TTC3: variants seen among roughly 807,000 people sequenced by gnomAD.
TTC3 encodes the protein tetratricopeptide repeat domain 3.
TTC3 carries 180 observed loss-of-function variants against 249.6 expected under a neutral mutation model. The observed-to-expected ratio is 0.72, with a 90% CI of 0.64 to 0.82. The LOEUF (loss-of-function observed/expected upper bound fraction) is 0.82. Ranked by LOEUF, TTC3 falls within the 40% of genes least tolerant of loss-of-function variation. TTC3 has a pLI of 0.00. For missense variants in TTC3, 2,061 were observed against 2,398.4 expected, an observed-to-expected ratio of 0.86 and a Z score of 2.94; for synonymous variants, 717 against 805.0, an observed-to-expected ratio of 0.89 and a Z score of 1.85.
exon 39 of TTC3, chr21:37,188,570 C>G: frequency 6.2e-7 from 1 of 1,613,974 alleles, no homozygotes; most frequent in Non-Finnish European, 8.5e-7. Context: ...AGAAGCCTTT[C>G]TGAAGAAGCT....
At position 37,078,133 on chromosome 21, in the gene TTC3, C is replaced by A. The variant is rs190614373; in HGVS notation, c.-12+4769C>A. ...TCACCAGTGGTCTGCTGTGCCATCT[C>A]TTTTACATGTTTAGTTACTACCTGC... On this transcript the variant is annotated intron_variant, in intron 1 of 45. Coordinates refer to ENST00000355666, the Ensembl canonical transcript of TTC3. Among the ~76,000 whole-genome samples the A allele has an allele frequency of 1.9e-3, 295 of 152,184 alleles. 1 individual carries two copies. Among genetic ancestry groups the A allele is most frequent in the Non-Finnish European group, 3.0e-3 (207 of 68,014 alleles).
At chr21:37,179,107 C>A (rs1569154456) in intron 35 of TTC3, among the ~76,000 whole-genome samples, 1 of 151,962 alleles carries the variant, frequency 6.6e-6, no homozygotes, top group Non-Finnish European at 1.5e-5. Flanking sequence ...CCCTCACTCG[C>A]TACAAAAAAA....
intron 17 of TTC3, among the ~76,000 whole-genome samples, 173 bp downstream of exon 17, chr21:37,132,939 T>G (rs887309017): frequency 5.9e-5 from 9 of 152,200 alleles, no homozygotes; most frequent in Admixed American, 5.2e-4. Context: ...GGTTTCAAAC[T>G]CCTGGCCTCA....
At chr21:37,149,545 C>G (rs2079270316) in intron 23 of TTC3, among the ~76,000 whole-genome samples, 1 of 152,166 alleles carries the variant, frequency 6.6e-6, no homozygotes, top group South Asian at 2.1e-4. Context: ...TAAATACACT[C>G]TGTAAATTAG....
intron 41 of TTC3, among the ~76,000 whole-genome samples, chr21:37,193,409 C>T (rs1222057347): frequency 6.6e-6 from 1 of 151,254 alleles, no homozygotes; most frequent in East Asian, 1.9e-4. Context: ...CCACCCTGAA[C>T]TGAGTAAAAT....
chr21:37,159,104 A>C (rs1793879), intron 28 of TTC3, among the ~76,000 whole-genome samples: 152,338 of 152,340 alleles, frequency 1, 76,168 homozygotes, highest in Middle Eastern at 1. Flanking sequence ...ATCATCCTCT[A>C]TCTCTGAGCA....
At chr21:37,176,025 C>T (rs2082255414) in intron 35 of TTC3, among the ~76,000 whole-genome samples, 1 of 152,166 alleles carries the variant, frequency 6.6e-6, no homozygotes, top group East Asian at 1.9e-4. Context: ...CCCACCTCGG[C>T]TTCCCAAAGT....
At chr21:37,126,102 T>C (rs761076630) in exon 15 of TTC3, 2 of 1,610,872 alleles carry the variant, frequency 1.2e-6, no homozygotes, top group Non-Finnish European at 1.7e-6. Context: ...GCGTTGAAGG[T>C]AGATGATTGT....
rs61629167 is a variant in TTC3, at chr21:37,076,694, A to ATTTTTTTTTTTTTTTTTTT, written c.-12+3338_-12+3356dup. ...AAACTCCCTTGGGGAAAACAAAGGG[A>ATTTTTTTTTTTTTTTTTTT]TTTTTTTTTTTTTTTTTTTTTTTTT... On this transcript the variant is annotated intron_variant, in intron 1 of 45. Transcript: ENST00000355666. 3.2e-5 allele frequency among the ~76,000 whole-genome samples: 3 copies of ATTTTTTTTTTTTTTTTTTT among 94,994 alleles called. 1 individual carries two copies. Among genetic ancestry groups the ATTTTTTTTTTTTTTTTTTT allele is most frequent in the African/African-American group, 1.4e-4 (3 of 21,218 alleles). 62.3% of individuals were successfully genotyped at this position (94,994 alleles called of 152,430 possible).
rs781011271 is a variant in TTC3 at position 37,088,340 on chromosome 21, ACGC to A, written c.334_336del (p.Ala112del). The stretch of plus-strand genomic sequence containing the variant: ...ATATCACGATTGCATCCCTGTGTGG[ACGC>A]CAAGTAAGTTACTATATGTTGCTCA... On this transcript the variant is annotated inframe_deletion, in exon 4 of 46. Coordinates refer to ENST00000355666, the Ensembl canonical transcript of TTC3. The A allele has an allele frequency of 4.8e-5, 77 of 1,611,422 alleles. 1 individual carries two copies. In the South Asian group the frequency reaches 7.8e-4, roughly 16 times the overall value.
chr21:37,081,865 CTTTTTTT>C (rs746285811), intron 1 of TTC3: 1 of 135,792 alleles, frequency 7.4e-6, no homozygotes. Flanking sequence ...TTTTTAATTA[CTTTTTTT>C]TTTTTTTTTT....
chr21:37,082,554 C>T (rs2071843831), intron 1 of TTC3: 5 of 985,336 alleles, frequency 5.1e-6, no homozygotes, highest in Non-Finnish European at 6.0e-6. Flanking sequence ...TGGCCCAGGG[C>T]TCAGTGTCCT....
chr21:37,179,105 C>G (rs985492003), intron 35 of TTC3, among the ~76,000 whole-genome samples: 1 of 152,024 alleles, frequency 6.6e-6, no homozygotes, highest in Non-Finnish European at 1.5e-5. Context: ...GACCCTCACT[C>G]GCTACAAAAA....
chr21:37,202,345 T>A (rs941031517), exon 46 of TTC3: 1 of 152,240 alleles, frequency 6.6e-6, no homozygotes, highest in East Asian at 1.9e-4. Context: ...CAGCCCCCGG[T>A]TGGAGCCTGC....
chr21:37,108,929 A>G (rs1302559203), intron 11 of TTC3, among the ~76,000 whole-genome samples: 1 of 152,236 alleles, frequency 6.6e-6, no homozygotes, highest in Non-Finnish European at 1.5e-5. Flanking sequence ...TTTGCCACAT[A>G]TATAACTGGT....
intron 45 of TTC3, among the ~76,000 whole-genome samples, chr21:37,201,170 G>A (rs1602232003): frequency 2.6e-5 from 4 of 152,232 alleles, no homozygotes; most frequent in Admixed American, 2.6e-4. Flanking sequence ...GCCGAGCCTG[G>A]AACCGGGGAT....
intron 37 of TTC3, chr21:37,186,222 A>G (rs1382478618): frequency 6.5e-6 from 1 of 153,502 alleles, no homozygotes; most frequent in African/African-American, 2.4e-5. Context: ...GCTAATGGAA[A>G]TAATATGTTT....
rs911967031 is a variant in TTC3, at chr21:37,190,140, T to C, written c.5025-1194T>C. 4.2e-3 allele frequency among the ~76,000 whole-genome samples: 505 copies of C among 120,828 alleles called. 5 individuals carry two copies. Among genetic ancestry groups the C allele is most frequent in the Non-Finnish European group, 7.5e-3 (421 of 56,376 alleles). The allele number at this position is 120,828 out of a possible 152,430, so 79.3% of individuals were successfully genotyped here. A position where few individuals can be genotyped will look rare whatever the true frequency, so the allele number is the denominator to read the frequency against. On this transcript the variant is annotated intron_variant, in intron 39 of 45. Transcript: ENST00000355666. ...TAGTTCTTTTTCTTTCTTTTTTTTTTTTTTTTTTTTTTTTTTTTTGAGATG... is the reference window on the plus strand; with the variant it reads ...TAGTTCTTTTTCTTTCTTTTTTTTTCTTTTTTTTTTTTTTTTTTTGAGATG...
chr21:37,099,227 T>C (rs1197904220), intron 10 of TTC3: 1 of 152,252 alleles, frequency 6.6e-6, no homozygotes. Flanking sequence ...GCAAGATTGA[T>C]ATCTAAAAGG....
Sources: allele counts gnomAD v4.1 joint callset (sites outside exome capture counted in the v4.1 genomes callset), GRCh38; gene constraint gnomAD v4.1.1; transcripts MANE v1.5; gene names NCBI Gene and HGNC (gene_info 2026-07-23, HGNC 2026-07-21).